CFAP73: variants seen among roughly 807,000 people sequenced by gnomAD.
CFAP73 encodes the protein cilia- and flagella-associated protein 73.
A neutral mutation model predicts 42.9 loss-of-function variants in CFAP73; 33 were observed. The ratio of observed to expected loss-of-function variants is 0.77; its 90% CI spans 0.58 to 1.03. The LOEUF (loss-of-function observed/expected upper bound fraction) is 1.03. CFAP73 is among the 50% of genes least tolerant of loss of function. The pLI, the probability that CFAP73 is intolerant of heterozygous loss-of-function variation, is 0.00. For missense variants in CFAP73, 392 were observed against 411.9 expected (o/e 0.95, Z 0.42); for synonymous variants, 162 against 186.8 (o/e 0.87, Z 1.08).
intron 6 of CFAP73, 124 bp downstream of exon 6, chr12:113,155,542 CT>C: frequency 9.2e-7 from 1 of 1,081,570 alleles, no homozygotes; most frequent in Non-Finnish European, 1.3e-6. Context: ...GGTCAGAGCC[CT>C]TGCCCCAGCC....
chr12:113,154,759 G>A lies in CFAP73; in HGVS notation c.690+124G>A. On this transcript the variant is annotated intron_variant, in intron 5 of 7. Coordinates refer to ENST00000335621, the MANE Select transcript of CFAP73 (RefSeq NM_001144872.3). This position sits in a 1 kb window ranked among gnomAD's most constrained non-coding sequence, Gnocchi z 4.7. Reference sequence around the variant, plus strand: ...TACCCCAGAGGGTCCGCTGCACTAAGGAGGGGAATCTCAGGCATCACCGAG... The same window carrying A: ...TACCCCAGAGGGTCCGCTGCACTAAAGAGGGGAATCTCAGGCATCACCGAG... 9 of 1,336,624 alleles carry A rather than the reference G, an allele frequency of 6.7e-6. No individual in the cohort carries two copies. The highest frequency in any genetic ancestry group is 8.6e-6 in the Non-Finnish European group (9 of 1,050,406). 82.8% of individuals were successfully genotyped at this position (1,336,624 alleles called of 1,614,324 possible).
intron 7 of CFAP73, 31 bp downstream of exon 7, chr12:113,157,721 A>G: frequency 6.8e-7 from 1 of 1,481,100 alleles, no homozygotes; most frequent in Non-Finnish European, 9.2e-7. Context: ...CCCCTGAGAG[A>G]CCCTGAGATA....
chr12:113,153,907 G>A (rs1415053025), intron 4 of CFAP73, among the ~76,000 whole-genome samples: 1 of 151,642 alleles, frequency 6.6e-6, no homozygotes, highest in Admixed American at 6.6e-5. Flanking sequence ...CTTTGTTCTT[G>A]AATCCTCCCC....
chr12:113,154,317 G>A lies in CFAP73; in HGVS notation c.469-97G>A. On this transcript the variant is annotated intron_variant, in intron 4 of 7. Transcript: ENST00000335621. This position sits in a 1 kb window ranked among gnomAD's most constrained non-coding sequence, Gnocchi z 4.7. ...TGACATTTAAGTCACTTTCCAGAAAGATTATTCCAATAATAAGGAACGCTG... is the reference window on the plus strand; with the variant it reads ...TGACATTTAAGTCACTTTCCAGAAAAATTATTCCAATAATAAGGAACGCTG... 7.2e-7 allele frequency: 1 copy of A among 1,385,648 alleles called. No individual in the cohort carries two copies. Among genetic ancestry groups the A allele is most frequent in the Non-Finnish European group, 9.9e-7 (1 of 1,013,826 alleles). The allele number at this position is 1,385,648 out of a possible 1,614,324, so 85.8% of individuals were successfully genotyped here. A position where few individuals can be genotyped will look rare whatever the true frequency, so the allele number is the denominator to read the frequency against.
At position 113,149,788 on chromosome 12, in the gene CFAP73, C is replaced by A; in HGVS notation, c.-70C>A. 6.7e-7 allele frequency: 1 copy of A among 1,486,940 alleles called. No individual in the cohort carries two copies. Among genetic ancestry groups the A allele is most frequent in the Non-Finnish European group, 9.2e-7 (1 of 1,090,172 alleles). 92.1% of individuals were successfully genotyped at this position (1,486,940 alleles called of 1,614,324 possible). On this transcript the variant is annotated 5_prime_UTR_variant, in exon 1 of 8. Transcript: ENST00000335621. ...GGCTTCCACACCACGCTCCACAGAA[C>A]CCCCAGGGTCTCCTAAGCTTGTGCA...
At chr12:113,155,223 A>G (rs2136307185) in intron 5 of CFAP73, 37 bp from the exon 6 acceptor site, 1 of 1,490,418 alleles carries the variant, frequency 6.7e-7, no homozygotes, top group East Asian at 2.5e-5. Flanking sequence ...GCCTTGGCCC[A>G]GTTGCCATAA....
At position 113,155,529 on chromosome 12, in the gene CFAP73, T is replaced by C; in HGVS notation, c.849+111T>C. 9.9e-6 allele frequency: 12 copies of C among 1,207,214 alleles called. No individual in the cohort carries two copies. The Middle Eastern group carries it at 6.0e-4, about 60-fold the overall frequency. 74.8% of individuals were successfully genotyped at this position (1,207,214 alleles called of 1,614,324 possible). A position where few individuals can be genotyped will look rare whatever the true frequency, so the allele number is the denominator to read the frequency against. ...CTTCTCTGGGTTAAGCATGGCCCTCTACGGTCAGAGCCCTTGCCCCAGCCG... is the reference window on the plus strand; with the variant it reads ...CTTCTCTGGGTTAAGCATGGCCCTCCACGGTCAGAGCCCTTGCCCCAGCCG... On this transcript the variant is annotated intron_variant, in intron 6 of 7. Coordinates refer to ENST00000335621, the MANE Select transcript of CFAP73 (RefSeq NM_001144872.3).
Position 113,154,450 on chromosome 12 carries a change from G to A in CFAP73, c.505G>A (p.Gly169Ser). The A allele has an allele frequency of 6.5e-7, 1 of 1,547,110 alleles. No homozygotes were observed. Among genetic ancestry groups the A allele is most frequent in the Non-Finnish European group, 8.7e-7 (1 of 1,145,776 alleles). Residue 169 changes from glycine to serine, a missense_variant, in exon 5 of 8, where the codon GGC becomes AGC. Coordinates refer to ENST00000335621, the MANE Select transcript of CFAP73 (RefSeq NM_001144872.3). This position sits in a 1 kb window ranked among gnomAD's most constrained non-coding sequence, Gnocchi z 4.7. ...TCCGGAGCTGGTGGCGCGCTTCGAC[G>A]GCCTGGCCGAGACGCAGGCGGCGCT... is the stretch of plus-strand genomic sequence containing the variant. ...EVPELVARFD[G>S]LAETQAALRL...
At position 113,154,383 on chromosome 12, in the gene CFAP73, A is replaced by G. The variant is rs760145852; in HGVS notation, c.469-31A>G. On this transcript the variant is annotated intron_variant, in intron 4 of 7. Coordinates refer to ENST00000335621, the MANE Select transcript of CFAP73 (RefSeq NM_001144872.3). The surrounding 1 kb of genome is among the most constrained non-coding windows in gnomAD (Gnocchi z 4.7). The stretch of plus-strand genomic sequence containing the variant: ...GGAGAGGGTAAGGCACTGCAGGCCC[A>G]TGTGAGTCCCTTCCCCGCCCCCGAC... 6.5e-7 allele frequency: 1 copy of G among 1,547,824 alleles called. No individual in the cohort carries two copies. The highest frequency in any genetic ancestry group is 1.2e-5 in the South Asian group (1 of 84,020).
Position 113,154,640 on chromosome 12 carries a change from G to A in CFAP73, c.690+5G>A. ...AGGGAGCGTACGCTGCAGTGGGTAC[G>A]ACCCGCCCTAGGTGGGGGGCGCTCC... On this transcript the variant is annotated splice_donor_5th_base_variant and intron_variant, in intron 5 of 7. Transcript: ENST00000335621. This position sits in a 1 kb window ranked among gnomAD's most constrained non-coding sequence, Gnocchi z 4.7. The A allele has an allele frequency of 1.4e-6, 2 of 1,395,886 alleles. No homozygotes were observed. The highest frequency in any genetic ancestry group is 3.2e-5 in the South Asian group (2 of 61,564). The allele number at this position is 1,395,886 out of a possible 1,614,324, so 86.5% of individuals were successfully genotyped here.
chr12:113,159,089 G>C lies in CFAP73; in HGVS notation c.*400G>C. The C allele has an allele frequency of 6.2e-7, 1 of 1,603,646 alleles. No individual in the cohort carries two copies. The highest frequency in any genetic ancestry group is 8.5e-7 in the Non-Finnish European group (1 of 1,176,206). ...CGGACTCGGCCTGCAGGGGTGCCTG[G>C]GGCGTGGGGCCGGGATGCACCTGCT... On this transcript the variant is annotated 3_prime_UTR_variant, in exon 8 of 8. Transcript: ENST00000335621.
Position 113,159,174 on chromosome 12 carries a change from A to G in CFAP73, c.*485A>G, listed in dbSNP as rs1952175272. 6.7e-7 allele frequency: 1 copy of G among 1,491,410 alleles called. No homozygotes were observed. Among genetic ancestry groups the G allele is most frequent in the African/African-American group, 1.4e-5 (1 of 72,272 alleles). 92.4% of individuals were successfully genotyped at this position (1,491,410 alleles called of 1,614,324 possible). On this transcript the variant is annotated 3_prime_UTR_variant, in exon 8 of 8. Coordinates refer to ENST00000335621, the MANE Select transcript of CFAP73 (RefSeq NM_001144872.3). ...CACTCCCAAGATCCCCTCCTCCCAG[A>G]AGCTTGCAGACTCCTCCCCTGCCCC... is the stretch of plus-strand genomic sequence containing the variant.
rs528474548 is a variant in CFAP73, at chr12:113,158,680, G to A, written c.*12-21G>A. 8 of 641,794 alleles carry A rather than the reference G, an allele frequency of 1.2e-5. No individual in the cohort carries two copies. Among genetic ancestry groups the A allele is most frequent in the Non-Finnish European group, 2.0e-5 (8 of 392,846 alleles). 39.8% of individuals were successfully genotyped at this position (641,794 alleles called of 1,614,324 possible). ...ACTCCTGCACACCCTTCAAGGCCCT[G>A]TTCAAATGTCTCTGTCTTAGGCTGA... is the stretch of plus-strand genomic sequence containing the variant. On this transcript the variant is annotated intron_variant, in intron 7 of 7. Coordinates refer to ENST00000335621, the MANE Select transcript of CFAP73 (RefSeq NM_001144872.3). This position sits in a 1 kb window ranked among gnomAD's most constrained non-coding sequence, Gnocchi z 4.9.
chr12:113,151,438 G>A (rs1566087251), intron 1 of CFAP73, among the ~76,000 whole-genome samples: 1 of 151,980 alleles, frequency 6.6e-6, no homozygotes, highest in Non-Finnish European at 1.5e-5. Context: ...AGCCAAGATC[G>A]TGCCACTGCA....
Position 113,153,222 on chromosome 12 carries a change from G to A in CFAP73, c.282G>A (p.Arg94=). The A allele has an allele frequency of 6.6e-7, 1 of 1,519,230 alleles. No individual in the cohort carries two copies. Among genetic ancestry groups the A allele is most frequent in the Non-Finnish European group, 8.8e-7 (1 of 1,139,916 alleles). 94.1% of individuals were successfully genotyped at this position (1,519,230 alleles called of 1,614,324 possible). A position where few individuals can be genotyped will look rare whatever the true frequency, so the allele number is the denominator to read the frequency against. Residue 94 remains arginine (R), a synonymous_variant, in exon 4 of 8, where the codon CGG becomes CGA. Transcript: ENST00000335621. Reference sequence around the variant, plus strand: ...GTACTCCCCAGGACTCCGAGGCCCGGCGCAATCGCGCGCTGCGGAGGGCGG... The same window carrying A: ...GTACTCCCCAGGACTCCGAGGCCCGACGCAATCGCGCGCTGCGGAGGGCGG... ...FDKFLQDSEA[R]RNRALRRAAE... is the part of the protein sequence containing the mutation.
intron 2 of CFAP73, among the ~76,000 whole-genome samples, chr12:113,152,264 C>T (rs1480666041): frequency 1.3e-5 from 2 of 152,192 alleles, no homozygotes; most frequent in East Asian, 3.8e-4. Flanking sequence ...TTGTGGGGCT[C>T]ACAGTCTAGA....
chr12:113,153,106 G>A (rs1952080514), intron 3 of CFAP73, 102 bp from the exon 4 acceptor site: 3 of 1,269,548 alleles, frequency 2.4e-6, no homozygotes, highest in East Asian at 5.2e-5. Flanking sequence ...CCTGCTGGCC[G>A]CCCCTGGTTT....
intron 5 of CFAP73, 85 bp from the exon 6 acceptor site, chr12:113,155,169 CAAAAAG>C (rs1248357274): frequency 8.1e-7 from 1 of 1,231,860 alleles, no homozygotes; most frequent in African/African-American, 1.6e-5. Context: ...GACTCCATCT[CAAAAAG>C]AAAAAAAAAA....
Position 113,149,806 on chromosome 12 carries a change from C to G in CFAP73, c.-52C>G. On this transcript the variant is annotated 5_prime_UTR_variant, in exon 1 of 8. Coordinates refer to ENST00000335621, the MANE Select transcript of CFAP73 (RefSeq NM_001144872.3). ...CACAGAACCCCCAGGGTCTCCTAAG[C>G]TTGTGCAAAACTCCAGCTGGTGGAA... 6.5e-7 allele frequency: 1 copy of G among 1,539,152 alleles called. No homozygotes were observed. Among genetic ancestry groups the G allele is most frequent in the Non-Finnish European group, 8.8e-7 (1 of 1,136,094 alleles).
Sources: gnomAD v4.1 joint callset for allele counts (sites outside exome capture counted in the v4.1 genomes callset) on GRCh38, gnomAD v4.1.1 for gene constraint, Gnocchi (gnomAD v3.1) non-coding constraint, MANE v1.5 for transcripts, NCBI Gene and HGNC (gene_info 2026-07-23, HGNC 2026-07-21) for gene names.